The following ZNF536 variants were observed in gnomAD, a reference collection of about 807,000 sequenced individuals.
ZNF536 encodes zinc finger protein 536.
Under a neutral mutation model 84.5 loss-of-function variants are expected in ZNF536, and 13 were observed. That is an observed-to-expected ratio of 0.15 (90% CI 0.10 to 0.24). The LOEUF (loss-of-function observed/expected upper bound fraction) is 0.24, where lower values mean the gene tolerates loss of function less well. Among genes scored for constraint, ZNF536 ranks in the 10% least tolerant of loss-of-function variants. ZNF536 has a pLI of 1.00. For missense variants in ZNF536, 1,536 were observed against 1,747.5 expected, an observed-to-expected ratio of 0.88 and a Z score of 2.16; for synonymous variants, 811 against 742.5, an observed-to-expected ratio of 1.09 and a Z score of -1.50.
intron 2 of ZNF536, among the ~76,000 whole-genome samples, chr19:30,521,744 C>T (rs2145718110): frequency 6.6e-6 from 1 of 152,212 alleles, no homozygotes; most frequent in Non-Finnish European, 1.5e-5. Context: ...AATTCAAGCC[C>T]TGTATCTAGC....
chr19:30,572,390 G>T (rs1184554574), intron 1 of ZNF536, among the ~76,000 whole-genome samples: 1 of 152,168 alleles, frequency 6.6e-6, no homozygotes, highest in East Asian at 1.9e-4. Context: ...GGGATATGGA[G>T]AGAGGAGAGG....
chr19:30,670,331 G>T (rs2050497513), intron 1 of ZNF536, among the ~76,000 whole-genome samples: 1 of 152,200 alleles, frequency 6.6e-6, no homozygotes, highest in Non-Finnish European at 1.5e-5. Flanking sequence ...GCCCTCATTC[G>T]CTGAGTGGCC....
At position 30,295,161 on chromosome 19, in the gene ZNF536, G is replaced by A. The variant is rs138506412; in HGVS notation, c.-120+11020G>A. 6.5e-3 allele frequency among the ~76,000 whole-genome samples: 996 copies of A among 152,312 alleles called. 8 individuals carry two copies. The highest frequency in any genetic ancestry group is 0.022 in the African/African-American group (912 of 41,560). Reference sequence around the variant, plus strand: ...ACTTAACAGGCTCCCAAGAGATGCTGATGCTGCTGGTCCTTGGACCACACT... The same window carrying A: ...ACTTAACAGGCTCCCAAGAGATGCTAATGCTGCTGGTCCTTGGACCACACT... On this transcript the variant is annotated intron_variant, in intron 2 of 5. Coordinates refer to the ZNF536 transcript ENST00000585628.
chr19:30,593,236 C>T (rs2047335902), intron 1 of ZNF536, among the ~76,000 whole-genome samples: 1 of 152,106 alleles, frequency 6.6e-6, no homozygotes, highest in Non-Finnish European at 1.5e-5. Flanking sequence ...GATGCAATTT[C>T]AGGCCAACCC....
chr19:30,380,270 C>G (rs1021634706), intron 1 of ZNF536, among the ~76,000 whole-genome samples: 1 of 152,118 alleles, frequency 6.6e-6, no homozygotes, highest in Non-Finnish European at 1.5e-5. Flanking sequence ...AATTAGCCAG[C>G]CTTAGGCACT....
intron 1 of ZNF536, among the ~76,000 whole-genome samples, chr19:30,625,570 C>A (rs1600072361): frequency 1.3e-5 from 2 of 152,184 alleles, no homozygotes; most frequent in South Asian, 4.1e-4. Flanking sequence ...ATCCACCTTG[C>A]AGGTGAAGAA....
In ZNF536 at chr19:30,444,563, C is replaced by T. The variant is rs2148188873; in HGVS notation, c.1001C>T (p.Pro334Leu). Residue 334 changes from proline (P) to leucine (L), a missense_variant, in exon 2 of 5, where the codon CCC becomes CTC. By Grantham distance (98) the Pro-to-Leu change is moderately conservative (BLOSUM62 -3). Around this residue, in one of 8 missense-constraint regions of ZNF536, gnomAD observed 61 missense variants for 104.0 expected, o/e 0.59. Coordinates refer to ENST00000355537, the MANE Select transcript of ZNF536 (RefSeq NM_014717.3). Reference protein sequence around the residue: ...ITAESAQGQGPNGGGEQSANE... With the variant: ...ITAESAQGQGLNGGGEQSANE... ...GCCGAGTCGGCCCAGGGCCAGGGCC[C>T]CAACGGCGGTGGCGAGCAGTCGGCC... The T allele has an allele frequency of 1.2e-6, 2 of 1,613,640 alleles. No individual in the cohort carries two copies. The highest frequency in any genetic ancestry group is 1.7e-6 in the Non-Finnish European group (2 of 1,179,984).
At chr19:30,361,059 C>T (rs1301285394) in intron 3 of ZNF536, among the ~76,000 whole-genome samples, 2 of 152,162 alleles carry the variant, frequency 1.3e-5, no homozygotes, top group African/African-American at 2.4e-5. Flanking sequence ...GACAACTTGC[C>T]GGCTTTTCCC....
chr19:30,346,248 A>G (rs182547267), intron 2 of ZNF536, among the ~76,000 whole-genome samples: 1 of 152,334 alleles, frequency 6.6e-6, no homozygotes, highest in East Asian at 1.9e-4. Context: ...ATATGGGAGA[A>G]GATTTCCTCG....
intron 1 of ZNF536, among the ~76,000 whole-genome samples, chr19:30,571,707 C>A (rs551767661): frequency 6.6e-6 from 1 of 152,136 alleles, no homozygotes; most frequent in Non-Finnish European, 1.5e-5. Context: ...CTTCCTCCCA[C>A]GGTCTCAGGC....
intron 2 of ZNF536, among the ~76,000 whole-genome samples, chr19:30,527,152 TGTG>T (rs1277107822): frequency 6.6e-6 from 1 of 151,232 alleles, no homozygotes; most frequent in Non-Finnish European, 1.5e-5. Flanking sequence ...CTCCTGACCT[TGTG>T]GTCTGCCCAC....
intron 1 of ZNF536, among the ~76,000 whole-genome samples, chr19:30,258,356 C>T (rs2025020686): frequency 6.6e-6 from 1 of 152,188 alleles, no homozygotes; most frequent in African/African-American, 2.4e-5. Context: ...CCAGGTACAG[C>T]CCAGCATCTT....
chr19:30,396,334 C>T (rs2147417371), intron 1 of ZNF536, among the ~76,000 whole-genome samples: 1 of 152,242 alleles, frequency 6.6e-6, no homozygotes, highest in Non-Finnish European at 1.5e-5. Flanking sequence ...ATAAAATAAC[C>T]AATTGAAAAG....
At chr19:30,293,943 A>G (rs1326905113) in intron 2 of ZNF536, among the ~76,000 whole-genome samples, 3 of 152,056 alleles carry the variant, frequency 2.0e-5, no homozygotes, top group Non-Finnish European at 4.4e-5. Flanking sequence ...AGGGATAGCT[A>G]TTAGATTTTT....
At chr19:30,473,540 G>A (rs1406050194) in intron 2 of ZNF536, among the ~76,000 whole-genome samples, 1 of 152,162 alleles carries the variant, frequency 6.6e-6, no homozygotes. Flanking sequence ...TAACAAATCT[G>A]CTTCACATAA....
At chr19:30,553,422 C>A (rs2045853817) in intron 4 of ZNF536, among the ~76,000 whole-genome samples, 1 of 152,220 alleles carries the variant, frequency 6.6e-6, no homozygotes, top group Non-Finnish European at 1.5e-5. Context: ...GGACAGCAAC[C>A]AGATCACCCT....
intron 2 of ZNF536, among the ~76,000 whole-genome samples, chr19:30,470,247 AAT>A (rs2053577560): frequency 6.6e-6 from 1 of 152,174 alleles, no homozygotes; most frequent in African/African-American, 2.4e-5. Flanking sequence ...CTAATTTTTG[AAT>A]AGTGTTAGAT....
chr19:30,570,934 T>C (rs2046523369), intron 1 of ZNF536, among the ~76,000 whole-genome samples: 1 of 152,082 alleles, frequency 6.6e-6, no homozygotes, highest in South Asian at 2.1e-4. Flanking sequence ...AACACCCTCT[T>C]ATTTCTGGGA....
chr19:30,240,556 C>G (rs1479171438), intron 1 of ZNF536, among the ~76,000 whole-genome samples: 20 of 152,186 alleles, frequency 1.3e-4, no homozygotes. Flanking sequence ...GGAGTGCCAT[C>G]GCATTGCTGC....
Sources: allele counts gnomAD v4.1 joint callset (sites outside exome capture counted in the v4.1 genomes callset), GRCh38; gene constraint gnomAD v4.1.1; regional missense constraint gnomAD v4.1.1; transcripts MANE v1.5; gene names NCBI Gene and HGNC (gene_info 2026-07-23, HGNC 2026-07-21).